Variants in ESR2 observed in about 807,000 individuals in gnomAD.
The protein encoded by ESR2 is estrogen receptor 2.
In ESR2, 36 loss-of-function variants were observed where a neutral mutation model predicts 49.6. That is an observed-to-expected ratio of 0.73 (90% CI 0.56 to 0.96). ESR2 has a LOEUF of 0.96. Among genes scored for constraint, ESR2 ranks in the 40% least tolerant of loss-of-function variants. The pLI, the probability that ESR2 is intolerant of heterozygous loss-of-function variation, is 0.00. For missense variants in ESR2, 714 were observed against 693.0 expected, an observed-to-expected ratio of 1.03 and a Z score of -0.34; for synonymous variants, 320 against 266.1, an observed-to-expected ratio of 1.20 and a Z score of -1.97.
intron 1 of ESR2, among the ~76,000 whole-genome samples, chr14:64,288,021 C>T (rs886577913): frequency 2.6e-5 from 4 of 152,184 alleles, no homozygotes; most frequent in African/African-American, 9.7e-5. Context: ...ATTTGCATGT[C>T]AATTTTCTTT....
intron 1 of ESR2, among the ~76,000 whole-genome samples, chr14:64,331,492 G>A (rs1360290165): frequency 6.6e-6 from 1 of 152,168 alleles, no homozygotes; most frequent in Non-Finnish European, 1.5e-5. Context: ...ACACTGCACA[G>A]GAAGGATAGA....
In ESR2 at chr14:64,231,657, G is replaced by C. The variant is rs1255858213; in HGVS notation, c.*1480C>G. On this transcript the variant is annotated 3_prime_UTR_variant, in exon 9 of 9. Transcript: ENST00000341099. The stretch of plus-strand genomic sequence containing the variant: ...TAATGACTTAGTAAATACAGGATGT[G>C]CTACCCAAAGTGAACATATTTTCAA... The C allele has an allele frequency of 6.6e-6, 1 of 152,158 alleles. No individual in the cohort carries two copies. The highest frequency in any genetic ancestry group is 6.5e-5 in the Admixed American group (1 of 15,280). 9.4% of individuals were successfully genotyped at this position (152,158 alleles called of 1,614,324 possible).
downstream of ESR2, chr14:64,227,896 T>G (rs1256928226): frequency 6.3e-7 from 1 of 1,597,826 alleles, no homozygotes; most frequent in Admixed American, 1.7e-5. Context: ...GGCACTAAGA[T>G]AACTTCAAAT....
At position 64,292,592 on chromosome 14, in the gene ESR2, TATC is replaced by T. The variant is rs1039664757; in HGVS notation, c.-91+1438_-91+1440del. Among the ~76,000 whole-genome samples the T allele has an allele frequency of 2.6e-5, 4 of 152,358 alleles. 1 individual carries two copies. The highest frequency in any genetic ancestry group is 4.1e-4 in the South Asian group (2 of 4,830). ...GTTTCTAGATGTATTATCAAAAACT[TATC>T]ATTAAACACTTTGAGTTCAGCCTTC... On this transcript the variant is annotated intron_variant, in intron 1 of 8. Transcript: ENST00000341099.
chr14:64,321,489 A>T (rs537129083), intron 1 of ESR2, among the ~76,000 whole-genome samples: 205 of 152,316 alleles, frequency 1.3e-3, no homozygotes, highest in African/African-American at 4.7e-3. Flanking sequence ...AAAATGATAG[A>T]CATAAACACA....
chr14:64,252,248 G>A (rs1352795939), intron 6 of ESR2, among the ~76,000 whole-genome samples: 1 of 151,536 alleles, frequency 6.6e-6, no homozygotes, highest in African/African-American at 2.4e-5. Flanking sequence ...GGAGCCCAAG[G>A]TTGCAGTGAG....
intron 6 of ESR2, among the ~76,000 whole-genome samples, chr14:64,256,771 C>A (rs1022879242): frequency 2.0e-5 from 3 of 151,408 alleles, no homozygotes; most frequent in African/African-American, 7.3e-5. Flanking sequence ...CAAAAAAAAA[C>A]AAAAGAGTGA....
intron 6 of ESR2, among the ~76,000 whole-genome samples, chr14:64,254,021 A>AAACT (rs1323294109): frequency 3.3e-5 from 5 of 152,326 alleles, no homozygotes; most frequent in African/African-American, 1.2e-4. Context: ...AGTAAAAGAA[A>AAACT]AACTAAATGC....
rs187604756 is a variant in ESR2 at position 64,245,792 on chromosome 14, A to G, written c.1225+3754T>C. On this transcript the variant is annotated intron_variant, in intron 7 of 8. Transcript: ENST00000341099. ...TGCCAAACAGAAGGCTTTATACTGT[A>G]AAGTGTTGTAACAACAAGCAAACAG... 6.6e-5 allele frequency among the ~76,000 whole-genome samples: 10 copies of G among 152,326 alleles called. No homozygotes were observed. The South Asian group carries it at 1.5e-3, about 22-fold the overall frequency.
chr14:64,300,274 A>G (rs1428555229), intron 1 of ESR2, among the ~76,000 whole-genome samples: 1 of 152,204 alleles, frequency 6.6e-6, no homozygotes, highest in Non-Finnish European at 1.5e-5. Flanking sequence ...TCCTTGCAAG[A>G]GATTCAGTTT....
downstream of ESR2, chr14:64,228,014 T>C (rs1027032511): frequency 2.6e-6 from 4 of 1,518,082 alleles, no homozygotes; most frequent in Non-Finnish European, 3.5e-6. Flanking sequence ...CCAGGACTTT[T>C]GTGAGCTGCA....
intron 2 of ESR2, among the ~76,000 whole-genome samples, chr14:64,282,300 G>A (rs921878231): frequency 6.6e-6 from 1 of 152,140 alleles, no homozygotes; most frequent in African/African-American, 2.4e-5. Flanking sequence ...AGCCGCAATC[G>A]TGCCATTATA....
chr14:64,299,711 G>A (rs1040195637), intron 1 of ESR2, among the ~76,000 whole-genome samples: 5 of 152,138 alleles, frequency 3.3e-5, no homozygotes, highest in African/African-American at 9.7e-5. Flanking sequence ...TGCACAGAGC[G>A]TGCTTCTTTC....
At chr14:64,276,666 C>A (rs533228120) in intron 3 of ESR2, among the ~76,000 whole-genome samples, 105 of 152,088 alleles carry the variant, frequency 6.9e-4, no homozygotes, top group African/African-American at 2.5e-3. Context: ...ATAAAGTAAC[C>A]ATAGCATTAA....
chr14:64,315,121 G>C (rs527455173), intron 1 of ESR2, among the ~76,000 whole-genome samples: 1 of 150,896 alleles, frequency 6.6e-6, no homozygotes, highest in Non-Finnish European at 1.5e-5. Flanking sequence ...GTGTGTGCCT[G>C]TAGTCCCAGC....
chr14:64,321,452 C>T (rs2077323326), intron 1 of ESR2, among the ~76,000 whole-genome samples: 1 of 151,972 alleles, frequency 6.6e-6, no homozygotes, highest in Admixed American at 6.6e-5. Context: ...GTAAATATCC[C>T]AATAATGATT....
chr14:64,337,936 G>A (rs897888563), exon 1 of ESR2: 2 of 152,582 alleles, frequency 1.3e-5, no homozygotes, highest in Admixed American at 6.5e-5. Context: ...CCTGAGCGCG[G>A]TTCCTCCAGC....
At chr14:64,337,659 A>C (rs2077547964) in intron 1 of ESR2, 1 of 152,232 alleles carries the variant, frequency 6.6e-6, no homozygotes, top group African/African-American at 2.4e-5. Context: ...TGGTATGTAC[A>C]TTATACTTGA....
intron 1 of ESR2, among the ~76,000 whole-genome samples, chr14:64,305,648 G>C (rs1318207020): frequency 6.6e-6 from 1 of 151,880 alleles, no homozygotes; most frequent in Non-Finnish European, 1.5e-5. Context: ...TCCAGCCTGG[G>C]CAACACAGCG....
Sources: allele counts gnomAD v4.1 joint callset (sites outside exome capture counted in the v4.1 genomes callset), GRCh38; gene constraint gnomAD v4.1.1; transcripts MANE v1.5; gene names NCBI Gene and HGNC (gene_info 2026-07-23, HGNC 2026-07-21).